The following FRMPD2 variants were observed in gnomAD, a reference collection of about 807,000 sequenced individuals.
FRMPD2 encodes the protein FERM and PDZ domain containing 2, also known as FERM and PDZ domain-containing protein 2.
Under a neutral mutation model 140.1 loss-of-function variants are expected in FRMPD2, and 96 were observed. That is an observed-to-expected ratio of 0.69 (90% CI 0.58 to 0.81). The LOEUF is 0.81. Ranked by LOEUF, FRMPD2 falls within the 40% of genes least tolerant of loss-of-function variation. The pLI is 0.00. For synonymous variants in FRMPD2, 449 were observed against 547.6 expected (o/e 0.82, Z 2.52); for missense variants, 1,240 against 1,447.4 (o/e 0.86, Z 2.32).
At chr10:48,243,727 C>T (rs1588851156) in intron 4 of FRMPD2, among the ~76,000 whole-genome samples, 2 of 152,220 alleles carry the variant, frequency 1.3e-5, no homozygotes, top group African/African-American at 4.8e-5. Flanking sequence ...TGGTCGTGAG[C>T]TGGTCTCTTA....
chr10:48,187,128 C>T lies in FRMPD2; in HGVS notation c.2266+64G>A, dbSNP rs112816418. On this transcript the variant is annotated intron_variant, in intron 17 of 28. Transcript: ENST00000374201. ...AGCAAAAATAAGTGGTGGTAAAAGA[C>T]TCAAAGCAAGCTTCCTGCGTAGGGG... The T allele has an allele frequency of 5.0e-5, 55 of 1,102,216 alleles. No individual in the cohort carries two copies. In the African/African-American group the frequency reaches 6.3e-4, roughly 13 times the overall value. 68.3% of individuals were successfully genotyped at this position (1,102,216 alleles called of 1,614,324 possible).
At chr10:48,212,666 T>C (rs1251060845) in intron 12 of FRMPD2, among the ~76,000 whole-genome samples, 1 of 152,160 alleles carries the variant, frequency 6.6e-6, no homozygotes, top group Non-Finnish European at 1.5e-5. Context: ...TTTGGCATCA[T>C]TGCTGCACAT....
intron 1 of FRMPD2, among the ~76,000 whole-genome samples, chr10:48,252,850 CT>C (rs1179842552): frequency 6.0e-5 from 9 of 150,536 alleles, no homozygotes; most frequent in African/African-American, 2.0e-4. Context: ...GGCCCTCTCT[CT>C]TTTTCTTTTC....
At chr10:48,171,439 TA>T (rs1838251916) in intron 25 of FRMPD2, among the ~76,000 whole-genome samples, 1 of 151,922 alleles carries the variant, frequency 6.6e-6, no homozygotes. Context: ...AGTTTTCAAA[TA>T]GCTACATTAA....
At chr10:48,179,792 A>G (rs1248590385) in intron 21 of FRMPD2, among the ~76,000 whole-genome samples, 1 of 152,220 alleles carries the variant, frequency 6.6e-6, no homozygotes, top group African/African-American at 2.4e-5. Flanking sequence ...AGGTTGAAAG[A>G]GGTGCAATAA....
chr10:48,247,276 T>C (rs928032718), intron 3 of FRMPD2, among the ~76,000 whole-genome samples: 30 of 152,206 alleles, frequency 2.0e-4, no homozygotes, highest in Non-Finnish European at 4.1e-4. Context: ...AGGAGGGTGA[T>C]GCCTGATCCT....
At chr10:48,256,202 G>A (rs1248767915) in intron 1 of FRMPD2, among the ~76,000 whole-genome samples, 1 of 152,070 alleles carries the variant, frequency 6.6e-6, no homozygotes, top group Non-Finnish European at 1.5e-5. Flanking sequence ...GGCAAAGCTC[G>A]CATCTGCTCC....
At chr10:48,188,376 G>A (rs1163561878) in intron 16 of FRMPD2, among the ~76,000 whole-genome samples, 1 of 152,218 alleles carries the variant, frequency 6.6e-6, no homozygotes, top group Non-Finnish European at 1.5e-5. Context: ...CTCACAGTGA[G>A]GTGCAGCACA....
chr10:48,181,858 CATATAT>C lies in FRMPD2; in HGVS notation c.2585-856_2585-851del, dbSNP rs35165586. ...ATATATGAAAGAATATATATTCCCT[CATATAT>C]ATATATATATATATGGCTCTCATAC... On this transcript the variant is annotated intron_variant, in intron 20 of 28. Coordinates refer to ENST00000374201, the MANE Select transcript of FRMPD2 (RefSeq NM_001018071.4). Among the ~76,000 whole-genome samples the C allele has an allele frequency of 3.6e-4, 29 of 79,796 alleles. 1 individual carries two copies. The highest frequency in any genetic ancestry group is 8.7e-4 in the African/African-American group (20 of 23,082). 52.3% of individuals were successfully genotyped at this position (79,796 alleles called of 152,430 possible). A position where few individuals can be genotyped will look rare whatever the true frequency, so the allele number is the denominator to read the frequency against.
intron 10 of FRMPD2, among the ~76,000 whole-genome samples, 171 bp from the exon 11 acceptor site, chr10:48,223,441 G>T (rs539174912): frequency 6.6e-6 from 1 of 152,228 alleles, no homozygotes; most frequent in African/African-American, 2.4e-5. Flanking sequence ...TGGGGTCATG[G>T]GGTGTCAAGA....
intron 12 of FRMPD2, among the ~76,000 whole-genome samples, chr10:48,214,830 G>A (rs936121845): frequency 2.0e-5 from 3 of 152,194 alleles, no homozygotes; most frequent in African/African-American, 7.2e-5. Flanking sequence ...ATACAAGAAT[G>A]AAGAAGTGAA....
chr10:48,244,799 A>G lies in FRMPD2; in HGVS notation c.360T>C (p.His120=), dbSNP rs747222158. 1 of 1,613,578 alleles carries G rather than the reference A, an allele frequency of 6.2e-7. No homozygotes were observed. The highest frequency in any genetic ancestry group is 8.5e-7 in the Non-Finnish European group (1 of 1,179,444). ...GTTTACAAACCTGATGTGGCGGAAC[A>G]TGAAACCCTGCTGACCAGTAGAGGG... ...GMTLYWSAGF[H]VPPHQPLQLC... Residue 120 remains histidine, a synonymous_variant, in exon 4 of 29, where the codon CAT becomes CAC. Transcript: ENST00000374201.
intron 1 of FRMPD2, among the ~76,000 whole-genome samples, chr10:48,259,279 CA>C (rs1288415890): frequency 6.6e-6 from 1 of 152,052 alleles, no homozygotes; most frequent in African/African-American, 2.4e-5. Flanking sequence ...AATAAAAAGG[CA>C]AAAACGATCC....
chr10:48,265,884 T>C (rs538064113), intron 1 of FRMPD2, among the ~76,000 whole-genome samples: 2 of 152,244 alleles, frequency 1.3e-5, no homozygotes, highest in East Asian at 3.9e-4. Flanking sequence ...CAAAGAAATA[T>C]AAATCGTCGT....
intron 1 of FRMPD2, among the ~76,000 whole-genome samples, chr10:48,255,368 C>A (rs1180379614): frequency 1.3e-5 from 2 of 152,200 alleles, no homozygotes; most frequent in African/African-American, 4.8e-5. Flanking sequence ...GGGCTAGAAT[C>A]TTTTCCCTGC....
intron 7 of FRMPD2, among the ~76,000 whole-genome samples, chr10:48,239,307 G>C (rs1177409194): frequency 2.6e-5 from 4 of 152,168 alleles, no homozygotes; most frequent in Non-Finnish European, 5.9e-5. Flanking sequence ...ATGCAGCATG[G>C]TATGGCAATG....
At chr10:48,227,105 A>G (rs995289756) in intron 10 of FRMPD2, among the ~76,000 whole-genome samples, 1 of 152,234 alleles carries the variant, frequency 6.6e-6, no homozygotes, top group East Asian at 1.9e-4. Context: ...AGAAGAAGGT[A>G]AAAATTTTTT....
chr10:48,257,889 A>G (rs988094161), intron 1 of FRMPD2, among the ~76,000 whole-genome samples: 12 of 152,202 alleles, frequency 7.9e-5, no homozygotes, highest in Non-Finnish European at 1.0e-4. Context: ...GATTTTAAAC[A>G]TCAGGACTGC....
chr10:48,172,615 A>G (rs1374255379), intron 25 of FRMPD2, among the ~76,000 whole-genome samples: 3 of 151,270 alleles, frequency 2.0e-5, no homozygotes, highest in Non-Finnish European at 4.4e-5. Flanking sequence ...GTGAAGCCAA[A>G]TGTATCTGAA....
Sources: gnomAD v4.1 joint callset for allele counts (sites outside exome capture counted in the v4.1 genomes callset) on GRCh38, gnomAD v4.1.1 for gene constraint, MANE v1.5 for transcripts, NCBI Gene and HGNC (gene_info 2026-07-23, HGNC 2026-07-21) for gene names.